WDR70: variants seen among roughly 807,000 people sequenced by gnomAD.
The protein encoded by WDR70 is WD repeat-containing protein 70.
Under a neutral mutation model 88.6 loss-of-function variants are expected in WDR70, and 53 were observed. The observed-to-expected ratio is 0.60, with a 90% confidence interval of 0.48 to 0.75. The LOEUF (loss-of-function observed/expected upper bound fraction) is 0.75, where lower values mean the gene tolerates loss of function less well. Among genes scored for constraint, WDR70 ranks in the 30% least tolerant of loss-of-function variants. The pLI is 0.00. For synonymous variants in WDR70, 280 were observed against 270.0 expected (o/e 1.04, Z -0.36); for missense variants, 610 against 823.2 (o/e 0.74, Z 3.17).
intron 10 of WDR70, among the ~76,000 whole-genome samples, chr5:37,680,171 CAT>C (rs1341224519): frequency 1.4e-5 from 2 of 139,782 alleles, no homozygotes; most frequent in Admixed American, 1.4e-4. Flanking sequence ...TTTTTTTTTT[CAT>C]ATGTTTATTG....
intron 3 of WDR70, among the ~76,000 whole-genome samples, chr5:37,382,445 C>T (rs575302121): frequency 4.6e-5 from 7 of 151,682 alleles, no homozygotes; most frequent in South Asian, 2.1e-4. Flanking sequence ...TGGAGTCTCG[C>T]TTTATTGCTG....
intron 17 of WDR70, among the ~76,000 whole-genome samples, chr5:37,731,721 G>A (rs1042374440): frequency 3.9e-5 from 6 of 152,014 alleles, no homozygotes; most frequent in African/African-American, 1.4e-4. Flanking sequence ...CCAAATATTT[G>A]TGTCTATGTT....
intron 2 of WDR70, 129 bp from the exon 3 acceptor site, chr5:37,381,473 A>G: frequency 1.4e-6 from 1 of 712,998 alleles, no homozygotes; most frequent in Non-Finnish European, 2.5e-6. Context: ...CTTCTGTGAT[A>G]TATTATGGTT....
intron 17 of WDR70, among the ~76,000 whole-genome samples, chr5:37,743,311 T>C (rs534196040): frequency 2.7e-4 from 41 of 152,304 alleles, no homozygotes; most frequent in African/African-American, 9.6e-4. Context: ...AAGATCCCAC[T>C]TGCAGACCCA....
At chr5:37,712,379 C>G (rs1441878288) in intron 13 of WDR70, among the ~76,000 whole-genome samples, 1 of 151,930 alleles carries the variant, frequency 6.6e-6, no homozygotes, top group Non-Finnish European at 1.5e-5. Flanking sequence ...TTTTCAGATT[C>G]ATTGCAAATA....
intron 10 of WDR70, among the ~76,000 whole-genome samples, chr5:37,681,414 C>T (rs549224137): frequency 3.3e-5 from 5 of 152,158 alleles, no homozygotes; most frequent in South Asian, 4.2e-4. Flanking sequence ...TTTGGATGCC[C>T]GTTATTTCTT....
In WDR70 at chr5:37,420,682, T is replaced by C. The variant is rs921150710; in HGVS notation, c.493-17240T>C. Among the ~76,000 whole-genome samples the C allele has an allele frequency of 2.0e-5, 3 of 152,152 alleles. No individual in the cohort carries two copies. In the East Asian group the frequency reaches 5.8e-4, roughly 29 times the overall value. ...ATGGCTTTAAATGATCCTCTCACTTTGGGAGGATGACATGAGGTTGAGAGT... is the reference window on the plus strand; with the variant it reads ...ATGGCTTTAAATGATCCTCTCACTTCGGGAGGATGACATGAGGTTGAGAGT... On this transcript the variant is annotated intron_variant, in intron 5 of 17. Transcript: ENST00000265107.
chr5:37,524,307 G>T (rs1741190715), intron 9 of WDR70, among the ~76,000 whole-genome samples: 1 of 152,226 alleles, frequency 6.6e-6, no homozygotes, highest in South Asian at 2.1e-4. Flanking sequence ...CAAGCCAGAA[G>T]AGAGTGGGGG....
chr5:37,498,225 T>C lies in WDR70; in HGVS notation c.840+18238T>C, dbSNP rs541363311. Among the ~76,000 whole-genome samples, 369 of 152,368 alleles carry C rather than the reference T, an allele frequency of 2.4e-3. 1 individual carries two copies. Among genetic ancestry groups the C allele is most frequent in the Non-Finnish European group, 3.4e-3 (234 of 68,032 alleles). Reference sequence around the variant, plus strand: ...CACTTTGATGGTCAGTTCTCAGCTCTGGTAATACTGTAACTCTCAGTAGCA... The same window carrying C: ...CACTTTGATGGTCAGTTCTCAGCTCCGGTAATACTGTAACTCTCAGTAGCA... On this transcript the variant is annotated intron_variant, in intron 8 of 17. Coordinates refer to ENST00000265107, the MANE Select transcript of WDR70 (RefSeq NM_018034.4).
At chr5:37,697,832 A>C in intron 11 of WDR70, 78 bp downstream of exon 11, 1 of 1,252,994 alleles carries the variant, frequency 8.0e-7, no homozygotes, top group Non-Finnish European at 1.1e-6. Context: ...ATAATATCCT[A>C]GTGCTTAGTA....
intron 10 of WDR70, among the ~76,000 whole-genome samples, chr5:37,691,250 C>T (rs902208750): frequency 3.9e-5 from 6 of 152,128 alleles, no homozygotes; most frequent in Non-Finnish European, 5.9e-5. Context: ...ACTTAGACTC[C>T]CACACATTAA....
chr5:37,710,419 T>C (rs986370396), intron 13 of WDR70, among the ~76,000 whole-genome samples: 1 of 152,092 alleles, frequency 6.6e-6, no homozygotes, highest in Non-Finnish European at 1.5e-5. Context: ...TTCTCCATAA[T>C]TATTGTGTTG....
intron 5 of WDR70, among the ~76,000 whole-genome samples, chr5:37,415,129 CAGA>C (rs1170989859): frequency 6.6e-6 from 1 of 150,500 alleles, no homozygotes; most frequent in Non-Finnish European, 1.5e-5. Flanking sequence ...GATCCCAAGG[CAGA>C]AGAATTTTTC....
Position 37,428,372 on chromosome 5 carries a change from A to G in WDR70, c.493-9550A>G, listed in dbSNP as rs151015867. Among the ~76,000 whole-genome samples the G allele has an allele frequency of 5.1e-4, 77 of 152,364 alleles. No individual in the cohort carries two copies. In the East Asian group the frequency reaches 0.013, roughly 25 times the overall value. On this transcript the variant is annotated intron_variant, in intron 5 of 17. Coordinates refer to ENST00000265107, the MANE Select transcript of WDR70 (RefSeq NM_018034.4). ...ATCTGAGTAATCACTACTACAATCA[A>G]GATTTAGAACATTTCCAAAAATGTT...
At chr5:37,492,255 C>A (rs887991675) in intron 8 of WDR70, among the ~76,000 whole-genome samples, 3 of 152,118 alleles carry the variant, frequency 2.0e-5, no homozygotes, top group African/African-American at 4.8e-5. Context: ...TAGCCTTTTC[C>A]CGTTCCATAT....
At chr5:37,720,705 G>T (rs1224304805) in intron 13 of WDR70, among the ~76,000 whole-genome samples, 1 of 152,182 alleles carries the variant, frequency 6.6e-6, no homozygotes, top group Non-Finnish European at 1.5e-5. Flanking sequence ...TAACCACCTG[G>T]TCTCAATCTG....
chr5:37,470,681 GTGCTACTGTA>G (rs1412506150), intron 7 of WDR70, among the ~76,000 whole-genome samples: 1 of 152,114 alleles, frequency 6.6e-6, no homozygotes, highest in African/African-American at 2.4e-5. Flanking sequence ...GCTGTACAGT[GTGCTACTGTA>G]TGAATATATA....
At chr5:37,677,153 C>A (rs1376925998) in intron 10 of WDR70, among the ~76,000 whole-genome samples, 27 of 152,074 alleles carry the variant, frequency 1.8e-4, no homozygotes, top group Admixed American at 1.3e-4. Flanking sequence ...TGCTAGTGGT[C>A]TATCAATTTT....
At chr5:37,567,610 G>T (rs1742780257) in intron 9 of WDR70, among the ~76,000 whole-genome samples, 1 of 152,034 alleles carries the variant, frequency 6.6e-6, no homozygotes, top group East Asian at 1.9e-4. Flanking sequence ...CACTGAGTTT[G>T]GACATGAGTT....
Sources: allele counts gnomAD v4.1 joint callset (sites outside exome capture counted in the v4.1 genomes callset), GRCh38; gene constraint gnomAD v4.1.1; transcripts MANE v1.5; gene names NCBI Gene and HGNC (gene_info 2026-07-23, HGNC 2026-07-21).